The following PEBP4 variants were observed in gnomAD, a reference collection of about 807,000 sequenced individuals.
PEBP4 encodes the protein phosphatidylethanolamine-binding protein 4.
In PEBP4, 22 loss-of-function variants were observed where a neutral mutation model predicts 23.9. The observed-to-expected ratio is 0.92, with a 90% CI of 0.66 to 1.31. PEBP4 has a LOEUF of 1.31. Among genes scored for constraint, PEBP4 ranks in the 40% most tolerant of loss-of-function variants. PEBP4 has a pLI of 0.00. For missense variants in PEBP4, 324 were observed against 281.7 expected, an observed-to-expected ratio of 1.15 and a Z score of -1.07; for synonymous variants, 112 against 99.3, an observed-to-expected ratio of 1.13 and a Z score of -0.76.
chr8:22,833,497 G>A (rs1807131873), intron 3 of PEBP4, among the ~76,000 whole-genome samples: 1 of 152,130 alleles, frequency 6.6e-6, no homozygotes. Context: ...ACGCCCAGCT[G>A]ATGTTTGTAT....
rs752092032 is a variant in PEBP4, at chr8:22,908,365, A to AAAAC, written c.258+11815_258+11818dup. Among the ~76,000 whole-genome samples the AAAAC allele has an allele frequency of 1.8e-3, 266 of 150,678 alleles. 1 individual carries two copies. Among genetic ancestry groups the AAAAC allele is most frequent in the East Asian group, 9.6e-3 (49 of 5,104 alleles). ...AGTGTGGGTCATGGAGGCCAAGGGGAAAACAAACAAACAAACAAACAAACA... is the reference window on the plus strand; with the variant it reads ...AGTGTGGGTCATGGAGGCCAAGGGGAAAACAAACAAACAAACAAACAAACAAACA... On this transcript the variant is annotated intron_variant, in intron 3 of 6. Coordinates refer to ENST00000256404, the MANE Select transcript of PEBP4 (RefSeq NM_144962.3).
chr8:22,844,945 C>T (rs553948094), intron 3 of PEBP4, among the ~76,000 whole-genome samples: 1 of 152,318 alleles, frequency 6.6e-6, no homozygotes, highest in Admixed American at 6.5e-5. Context: ...TGAACCAGGG[C>T]CCATTAGCAG....
chr8:22,778,384 ACT>A (rs1563213335), intron 4 of PEBP4, among the ~76,000 whole-genome samples: 4 of 147,326 alleles, frequency 2.7e-5, no homozygotes, highest in Non-Finnish European at 4.5e-5. Context: ...CAGAGCTTGA[ACT>A]TTTTTTTTTT....
intron 3 of PEBP4, among the ~76,000 whole-genome samples, chr8:22,858,712 C>T (rs545202704): frequency 1.1e-4 from 17 of 152,194 alleles, no homozygotes; most frequent in South Asian, 4.2e-4. Context: ...TTTGGGAGGC[C>T]GAGGCAGGTG....
chr8:22,744,887 G>T (rs1805080238), intron 4 of PEBP4: 1 of 152,260 alleles, frequency 6.6e-6, no homozygotes, highest in East Asian at 1.9e-4. Context: ...AGAGAGGGTA[G>T]CGTTTGCAGA....
At chr8:22,788,046 G>A (rs553041486) in intron 4 of PEBP4, among the ~76,000 whole-genome samples, 66 of 152,246 alleles carry the variant, frequency 4.3e-4, no homozygotes. Context: ...GTGGCTGGAG[G>A]CTTCAGGGAT....
chr8:22,891,422 A>C (rs1808490165), intron 3 of PEBP4, among the ~76,000 whole-genome samples: 1 of 152,174 alleles, frequency 6.6e-6, no homozygotes, highest in East Asian at 1.9e-4. Flanking sequence ...AACCCAAGTA[A>C]CAAATCCAAG....
At chr8:22,791,447 C>T (rs965001995) in intron 4 of PEBP4, among the ~76,000 whole-genome samples, 1 of 151,954 alleles carries the variant, frequency 6.6e-6, no homozygotes, top group African/African-American at 2.4e-5. Flanking sequence ...TTTGTGACAC[C>T]ATCCAAATTC....
chr8:22,788,141 G>A (rs1806064826), intron 4 of PEBP4, among the ~76,000 whole-genome samples: 1 of 152,102 alleles, frequency 6.6e-6, no homozygotes, highest in Non-Finnish European at 1.5e-5. Context: ...GGTAGAGGGA[G>A]GGAACCTGGG....
At chr8:22,852,348 C>A (rs1204089224) in intron 3 of PEBP4, among the ~76,000 whole-genome samples, 2 of 152,152 alleles carry the variant, frequency 1.3e-5, no homozygotes, top group Non-Finnish European at 2.9e-5. Context: ...GTTGCTTTGG[C>A]AGAGCGACCA....
intron 4 of PEBP4, among the ~76,000 whole-genome samples, chr8:22,765,692 G>C (rs1038914168): frequency 6.6e-6 from 1 of 152,266 alleles, no homozygotes; most frequent in Non-Finnish European, 1.5e-5. Flanking sequence ...CCGTGCATGT[G>C]AGTGTGTGTA....
At chr8:22,740,556 C>T (rs2128750398) in intron 4 of PEBP4, among the ~76,000 whole-genome samples, 1 of 152,346 alleles carries the variant, frequency 6.6e-6, no homozygotes, top group Admixed American at 6.5e-5. Context: ...TCCGAACCTT[C>T]CTGCCCAATT....
intron 3 of PEBP4, among the ~76,000 whole-genome samples, chr8:22,893,587 G>A (rs1808537034): frequency 6.6e-6 from 1 of 152,138 alleles, no homozygotes; most frequent in Non-Finnish European, 1.5e-5. Flanking sequence ...TATATTCCCA[G>A]AGACATAGAA....
chr8:22,909,958 G>A (rs1808901862), intron 3 of PEBP4, among the ~76,000 whole-genome samples: 2 of 152,204 alleles, frequency 1.3e-5, no homozygotes, highest in African/African-American at 2.4e-5. Context: ...CTACAGCCAG[G>A]GGATCCAGGC....
chr8:22,757,127 A>T (rs552806333), intron 4 of PEBP4: 2 of 152,370 alleles, frequency 1.3e-5, no homozygotes, highest in East Asian at 3.9e-4. Flanking sequence ...AGTGCTCACC[A>T]TATGCCAGGG....
intron 4 of PEBP4, among the ~76,000 whole-genome samples, chr8:22,778,068 C>G (rs1250484704): frequency 6.6e-6 from 1 of 152,128 alleles, no homozygotes; most frequent in East Asian, 1.9e-4. Context: ...CATCACGGTT[C>G]CCTTCCTGTC....
chr8:22,896,392 G>T (rs923199215), intron 3 of PEBP4, among the ~76,000 whole-genome samples: 1 of 152,202 alleles, frequency 6.6e-6, no homozygotes, highest in African/African-American at 2.4e-5. Context: ...TGTTTGCTCA[G>T]AGCCATCCTC....
intron 4 of PEBP4, among the ~76,000 whole-genome samples, chr8:22,800,712 G>A (rs1184431964): frequency 6.6e-6 from 1 of 152,152 alleles, no homozygotes; most frequent in Non-Finnish European, 1.5e-5. Context: ...TGGGATTACA[G>A]CAGGACTGGG....
At chr8:22,930,672 C>A (rs1272864090), upstream of PEBP4, among the ~76,000 whole-genome samples, 1 of 152,160 alleles carries the variant, frequency 6.6e-6, no homozygotes, top group Non-Finnish European at 1.5e-5. Context: ...TTTATCTAAC[C>A]TTCTCTGGCT....
Sources: allele counts gnomAD v4.1 joint callset (sites outside exome capture counted in the v4.1 genomes callset), GRCh38; gene constraint gnomAD v4.1.1; transcripts MANE v1.5; gene names NCBI Gene and HGNC (gene_info 2026-07-23, HGNC 2026-07-21).